The following PPFIA2 variants were observed in gnomAD, a reference collection of about 807,000 sequenced individuals.
PPFIA2 encodes the protein PPFI scaffold protein A2.
PPFIA2 carries 46 observed loss-of-function variants against 175.5 expected under a neutral mutation model. The observed-to-expected ratio is 0.26, with a 90% CI of 0.21 to 0.34. The LOEUF is 0.34. PPFIA2 is among the 10% of genes least tolerant of loss of function. The pLI is 1.00. For missense variants in PPFIA2, 1,179 were observed against 1,506.1 expected (o/e 0.78, Z 3.60); for synonymous variants, 568 against 511.4 (o/e 1.11, Z -1.49).
chr12:81,403,547 G>A (rs1428650135), intron 8 of PPFIA2, among the ~76,000 whole-genome samples: 1 of 152,126 alleles, frequency 6.6e-6, no homozygotes, highest in Non-Finnish European at 1.5e-5. Flanking sequence ...CCAGTGCCAG[G>A]GAAGACAGAC....
intron 17 of PPFIA2, among the ~76,000 whole-genome samples, chr12:81,351,004 C>T (rs1303588741): frequency 1.3e-5 from 2 of 152,076 alleles, no homozygotes; most frequent in African/African-American, 4.8e-5. Context: ...ATCTACCTGA[C>T]ACAATTGGGT....
chr12:81,266,915 CT>C, intron 30 of PPFIA2, 36 bp downstream of exon 30: 1 of 1,465,610 alleles, frequency 6.8e-7, no homozygotes, highest in Non-Finnish European at 9.5e-7. Flanking sequence ...TTTTCTTTTA[CT>C]CTCTCAGATC....
chr12:81,738,848 T>C (rs372503405), intron 3 of PPFIA2, among the ~76,000 whole-genome samples: 3 of 151,838 alleles, frequency 2.0e-5, no homozygotes, highest in African/African-American at 4.8e-5. Context: ...GGGAAACATA[T>C]ATAAGAACAC....
At chr12:81,367,744 T>A (rs1382120052) in intron 13 of PPFIA2, among the ~76,000 whole-genome samples, 5 of 151,700 alleles carry the variant, frequency 3.3e-5, no homozygotes, top group African/African-American at 1.2e-4. Flanking sequence ...GCATCATAGA[T>A]ACTTAAAATA....
chr12:81,640,002 C>T (rs12366337), intron 4 of PPFIA2, among the ~76,000 whole-genome samples: 8,454 of 152,120 alleles, frequency 0.056, 355 homozygotes, highest in East Asian at 0.23. Context: ...GCTAGTGCTA[C>T]GTGTATACTC....
chr12:81,679,511 T>A (rs2073202583), intron 3 of PPFIA2, among the ~76,000 whole-genome samples: 1 of 151,902 alleles, frequency 6.6e-6, no homozygotes, highest in Non-Finnish European at 1.5e-5. Flanking sequence ...TTTTTAAAAT[T>A]TTAAGCTCTT....
At chr12:81,663,032 A>C (rs1399681879) in intron 4 of PPFIA2, among the ~76,000 whole-genome samples, 1 of 152,214 alleles carries the variant, frequency 6.6e-6, no homozygotes, top group African/African-American at 2.4e-5. Context: ...TCAATAAATT[A>C]GGTATTGATG....
chr12:81,525,507 C>T (rs1366489333), intron 4 of PPFIA2, among the ~76,000 whole-genome samples: 1 of 152,106 alleles, frequency 6.6e-6, no homozygotes, highest in Admixed American at 6.5e-5. Flanking sequence ...GGTCTCAGTA[C>T]TACAATCACA....
At chr12:81,758,912 C>A (rs756651228) in intron 1 of PPFIA2, among the ~76,000 whole-genome samples, 2 of 152,098 alleles carry the variant, frequency 1.3e-5, no homozygotes, top group Non-Finnish European at 2.9e-5. Flanking sequence ...CAAAAGAAAG[C>A]TTGGAGAAAA....
intron 8 of PPFIA2, among the ~76,000 whole-genome samples, chr12:81,386,275 T>TTAAATAAATAAA (rs36182501): frequency 1.0e-4 from 14 of 135,664 alleles, no homozygotes; most frequent in Admixed American, 1.5e-4. Context: ...CTTACAACCT[T>TTAAATAAATAAA]TAAATAAATA....
At chr12:81,432,482 T>TC (rs1470137041) in intron 7 of PPFIA2, among the ~76,000 whole-genome samples, 2 of 143,876 alleles carry the variant, frequency 1.4e-5, no homozygotes, top group African/African-American at 5.5e-5. Flanking sequence ...TTTTTTTTTT[T>TC]CAATACAGAG....
intron 7 of PPFIA2, among the ~76,000 whole-genome samples, chr12:81,438,368 C>T (rs1205358276): frequency 2.6e-5 from 4 of 151,886 alleles, no homozygotes; most frequent in East Asian, 1.9e-4. Context: ...CTTGGGATGC[C>T]GAGGCAGTAG....
intron 10 of PPFIA2, 67 bp downstream of exon 10, chr12:81,375,729 T>C: frequency 1.4e-6 from 2 of 1,470,546 alleles, no homozygotes; most frequent in South Asian, 1.2e-5. Flanking sequence ...CCTATTTTAT[T>C]TACTCCGTTT....
chr12:81,486,953 C>CAT (rs2058890603), intron 4 of PPFIA2, among the ~76,000 whole-genome samples: 1 of 151,768 alleles, frequency 6.6e-6, no homozygotes. Context: ...AATAATAAAC[C>CAT]ATATAAAGCC....
intron 11 of PPFIA2, among the ~76,000 whole-genome samples, chr12:81,369,783 A>C (rs895651778): frequency 6.6e-6 from 1 of 151,808 alleles, no homozygotes; most frequent in African/African-American, 2.4e-5. Flanking sequence ...AACAGAACAT[A>C]GCACAGAATG....
At chr12:81,687,825 C>T (rs933476741) in intron 3 of PPFIA2, among the ~76,000 whole-genome samples, 5 of 151,460 alleles carry the variant, frequency 3.3e-5, no homozygotes, top group African/African-American at 1.2e-4. Context: ...TTACAGTAAA[C>T]AATATTAATT....
At chr12:81,747,590 T>C (rs2083231390) in intron 3 of PPFIA2, among the ~76,000 whole-genome samples, 1 of 143,824 alleles carries the variant, frequency 7.0e-6, no homozygotes, top group Admixed American at 7.3e-5. Flanking sequence ...TTATTGAGCA[T>C]GTACTACCTG....
intron 8 of PPFIA2, among the ~76,000 whole-genome samples, chr12:81,387,398 C>G (rs2039218409): frequency 6.6e-6 from 1 of 151,782 alleles, no homozygotes; most frequent in Admixed American, 6.6e-5. Context: ...GTAGAATGGA[C>G]TATAGAAGAA....
In PPFIA2 at chr12:81,608,499, A is replaced by G. The variant is rs112228205; in HGVS notation, c.303+68292T>C. ...TGTTATGGGTCTTTTCAGGGTTTCA[A>G]TCTCTGCCTGATTCAATCTTGGGAA... On this transcript the variant is annotated intron_variant, in intron 4 of 32. Coordinates refer to ENST00000549396, the MANE Select transcript of PPFIA2 (RefSeq NM_003625.5). 7.4e-3 allele frequency among the ~76,000 whole-genome samples: 1,125 copies of G among 151,980 alleles called. 7 individuals are homozygous for G. The highest frequency in any genetic ancestry group is 9.7e-3 in the Non-Finnish European group (656 of 67,906).
Sources: gnomAD v4.1 joint callset for allele counts (sites outside exome capture counted in the v4.1 genomes callset) on GRCh38, gnomAD v4.1.1 for gene constraint, MANE v1.5 for transcripts, NCBI Gene and HGNC (gene_info 2026-07-23, HGNC 2026-07-21) for gene names.